The following DYRK1A variants were observed in gnomAD, a reference collection of about 807,000 sequenced individuals.
DYRK1A encodes dual specificity tyrosine-phosphorylation-regulated kinase 1A.
A neutral mutation model predicts 79.7 loss-of-function variants in DYRK1A; 9 were observed. That is an observed-to-expected ratio of 0.11 (90% confidence interval 0.07 to 0.20). DYRK1A has a LOEUF of 0.20. Among genes scored for constraint, DYRK1A ranks in the 10% least tolerant of loss-of-function variants. The pLI is 1.00. For missense variants in DYRK1A, 622 were observed against 956.0 expected (o/e 0.65, Z 4.61); for synonymous variants, 349 against 329.7 (o/e 1.06, Z -0.63).
rs2148651481 is a variant in DYRK1A at position 37,506,094 on chromosome 21, T to G, written c.1520-5T>G. 1 of 1,608,030 alleles carries G rather than the reference T, an allele frequency of 6.2e-7. No homozygotes were observed. The highest frequency in any genetic ancestry group is 8.5e-7 in the Non-Finnish European group (1 of 1,175,486). ...GTTGTATTGTTTTGTGTTGTGATAT[T>G]TCAGGTGGCTCATCGGGGACAAGCA... On this transcript the variant is annotated splice_polypyrimidine_tract_variant and splice_region_variant and intron_variant, in intron 10 of 11. Transcript: ENST00000647188.
chr21:37,512,901 T>A lies in DYRK1A; in HGVS notation c.*370T>A, dbSNP rs1450555910. On this transcript the variant is annotated 3_prime_UTR_variant, in exon 12 of 12. Transcript: ENST00000647188. ...AAAGTAAAAGGCACTGCACATAATT[T>A]GCATAAAGGGCCCCATGAGGGTGTT... 1 of 171,634 alleles carries A rather than the reference T, an allele frequency of 5.8e-6. No homozygotes were observed. Among genetic ancestry groups the A allele is most frequent in the East Asian group, 1.6e-4 (1 of 6,432 alleles). 10.6% of individuals were successfully genotyped at this position (171,634 alleles called of 1,614,324 possible).
rs547791686 is a variant in DYRK1A, at chr21:37,514,405, A to G, written c.*1874A>G. On this transcript the variant is annotated 3_prime_UTR_variant, in exon 12 of 12. Transcript: ENST00000647188. ...AAGATAAGTAATTTACCTGTCCAGGATCAAAAGAAGCCTAGAAAAGAAGCA... is the reference window on the plus strand; with the variant it reads ...AAGATAAGTAATTTACCTGTCCAGGGTCAAAAGAAGCCTAGAAAAGAAGCA... 1 of 152,766 alleles carries G rather than the reference A, an allele frequency of 6.5e-6. No homozygotes were observed. Among genetic ancestry groups the G allele is most frequent in the East Asian group, 1.9e-4 (1 of 5,184 alleles). 9.5% of individuals were successfully genotyped at this position (152,766 alleles called of 1,614,324 possible). A position where few individuals can be genotyped will look rare whatever the true frequency, so the allele number is the denominator to read the frequency against.
chr21:37,480,664 A>G lies in DYRK1A; in HGVS notation c.327A>G (p.Arg109=), dbSNP rs760666489. The change falls in exon 5 of 12, where the codon AGA becomes AGG. Residue 109 remains arginine, a synonymous_variant. Transcript: ENST00000647188. ...NEVYYAKKKR[R]HQQGQGDDSS... is the part of the protein sequence containing the mutation. ...TTTACTATGCAAAAAAGAAGCGAAG[A>G]CACCAACAGGGCCAGGGAGACGATT... 5 of 1,594,212 alleles carry G rather than the reference A, an allele frequency of 3.1e-6. No homozygotes were observed. In the Admixed American group the frequency reaches 9.2e-5, roughly 29 times the overall value.
chr21:37,523,269 G>A lies in DYRK1A; in HGVS notation c.*10738G>A, dbSNP rs1402461647. 2 of 152,538 alleles carry A rather than the reference G, an allele frequency of 1.3e-5. No individual in the cohort carries two copies. The highest frequency in any genetic ancestry group is 2.9e-5 in the Non-Finnish European group (2 of 68,106). 9.4% of individuals were successfully genotyped at this position (152,538 alleles called of 1,614,324 possible). Reference sequence around the variant, plus strand: ...TTGCCCATGCTGGTCTTGAACCCCTGGGCTCAAGCGATCCTTCTGCCTCAG... The same window carrying A: ...TTGCCCATGCTGGTCTTGAACCCCTAGGCTCAAGCGATCCTTCTGCCTCAG... On this transcript the variant is annotated 3_prime_UTR_variant, in exon 12 of 12. Transcript: ENST00000647188.
rs1440519585 is a variant in DYRK1A at position 37,525,117 on chromosome 21, A to G, written c.*12586A>G. The stretch of plus-strand genomic sequence containing the variant: ...ATTGTCTCAAAACAAAAAGTTGAGA[A>G]AACGAATTCAGTACACCCTGAAGTG... On this transcript the variant is annotated 3_prime_UTR_variant, in exon 12 of 12. Transcript: ENST00000647188. The G allele has an allele frequency of 6.6e-6, 1 of 152,246 alleles. No homozygotes were observed. Among genetic ancestry groups the G allele is most frequent in the Non-Finnish European group, 1.5e-5 (1 of 68,060 alleles). The allele number at this position is 152,246 out of a possible 1,614,324, so 9.4% of individuals were successfully genotyped here.
At chr21:37,401,350 G>A (rs1313854955) in intron 1 of DYRK1A, among the ~76,000 whole-genome samples, 3 of 151,760 alleles carry the variant, frequency 2.0e-5, no homozygotes, top group African/African-American at 7.3e-5. Flanking sequence ...ATAAACGTGT[G>A]TATTAATTTT....
intron 1 of DYRK1A, among the ~76,000 whole-genome samples, chr21:37,370,097 A>G (rs2049400602): frequency 6.6e-6 from 1 of 152,170 alleles, no homozygotes; most frequent in Non-Finnish European, 1.5e-5. Context: ...ATGGGGGTGG[A>G]GAGGCCTAGG....
chr21:37,365,865 C>A (rs575326500), upstream of DYRK1A: 5 of 152,488 alleles, frequency 3.3e-5, no homozygotes, highest in Admixed American at 3.3e-4. Context: ...GATGGGCAGG[C>A]ACAGGCGAGC....
chr21:37,423,747 TG>T (rs1407253481), intron 2 of DYRK1A, among the ~76,000 whole-genome samples: 1 of 152,150 alleles, frequency 6.6e-6, no homozygotes, highest in African/African-American at 2.4e-5. Context: ...CTTTTAAATG[TG>T]GAATAGTTCC....
intron 2 of DYRK1A, among the ~76,000 whole-genome samples, chr21:37,444,561 A>T (rs546749856): frequency 6.6e-6 from 1 of 152,320 alleles, no homozygotes; most frequent in Non-Finnish European, 1.5e-5. Context: ...TGAGGTAAGA[A>T]CAGAAAAGAT....
chr21:37,493,337 G>T (rs565078155), intron 8 of DYRK1A, among the ~76,000 whole-genome samples, 174 bp downstream of exon 8: 213 of 152,308 alleles, frequency 1.4e-3, no homozygotes, highest in African/African-American at 4.9e-3. Context: ...TGTAAGTTTA[G>T]AATTATGAGA....
At chr21:37,439,405 A>G (rs545051681) in intron 2 of DYRK1A, among the ~76,000 whole-genome samples, 1 of 152,218 alleles carries the variant, frequency 6.6e-6, no homozygotes, top group Non-Finnish European at 1.5e-5. Context: ...ATGTTAGAGG[A>G]TCAAACAGTA....
rs1275023538 is a variant in DYRK1A at position 37,524,136 on chromosome 21, A to T, written c.*11605A>T. 4 of 152,226 alleles carry T rather than the reference A, an allele frequency of 2.6e-5. No homozygotes were observed. The highest frequency in any genetic ancestry group is 5.9e-5 in the Non-Finnish European group (4 of 68,044). 9.4% of individuals were successfully genotyped at this position (152,226 alleles called of 1,614,324 possible). The stretch of plus-strand genomic sequence containing the variant: ...CAATGACATGGTAGCTGTCCTAAGG[A>T]ACACAATACAACCAGGTGCAGTGGC... On this transcript the variant is annotated 3_prime_UTR_variant, in exon 12 of 12. Transcript: ENST00000647188.
chr21:37,477,711 T>G (rs770228530), intron 3 of DYRK1A, among the ~76,000 whole-genome samples: 1 of 152,156 alleles, frequency 6.6e-6, no homozygotes, highest in African/African-American at 2.4e-5. Context: ...GAGGGAATGG[T>G]GCTCTGCTGC....
intron 1 of DYRK1A, among the ~76,000 whole-genome samples, chr21:37,380,772 T>G (rs1326533508): frequency 6.6e-6 from 1 of 152,024 alleles, no homozygotes; most frequent in Non-Finnish European, 1.5e-5. Context: ...TTATGACTTT[T>G]GGGGTAGAGA....
At chr21:37,463,876 C>T (rs1267216032) in intron 2 of DYRK1A, among the ~76,000 whole-genome samples, 1 of 152,188 alleles carries the variant, frequency 6.6e-6, no homozygotes, top group Non-Finnish European at 1.5e-5. Flanking sequence ...GAACCTCAGC[C>T]TCATAAGTTT....
intron 1 of DYRK1A, chr21:37,374,974 T>G (rs1022195006): frequency 6.6e-6 from 1 of 152,258 alleles, no homozygotes; most frequent in African/African-American, 2.4e-5. Context: ...GCTGAGTGAC[T>G]AATCAGTGCC....
Position 37,514,479 on chromosome 21 carries a change from C to G in DYRK1A, c.*1948C>G, listed in dbSNP as rs191683088. 1.3e-5 allele frequency: 2 copies of G among 152,618 alleles called. No homozygotes were observed. Among genetic ancestry groups the G allele is most frequent in the African/African-American group, 4.8e-5 (2 of 41,436 alleles). The allele number at this position is 152,618 out of a possible 1,614,324, so 9.5% of individuals were successfully genotyped here. On this transcript the variant is annotated 3_prime_UTR_variant, in exon 12 of 12. Transcript: ENST00000647188. ...TGTTTAAGATGACTCAGCAGAACAC[C>G]GCGTTTCATTCTATTGGTCAATTCC...
At chr21:37,408,005 CA>C (rs5843826) in intron 1 of DYRK1A, among the ~76,000 whole-genome samples, 37 of 147,512 alleles carry the variant, frequency 2.5e-4, no homozygotes, top group Middle Eastern at 3.5e-3. Context: ...ATGAATGCTT[CA>C]AAAAAAAAAA....
Sources: allele counts gnomAD v4.1 joint callset (sites outside exome capture counted in the v4.1 genomes callset), GRCh38; gene constraint gnomAD v4.1.1; transcripts MANE v1.5; gene names NCBI Gene and HGNC (gene_info 2026-07-23, HGNC 2026-07-21).